Variants in HAS2 observed in about 807,000 individuals in gnomAD.
The protein encoded by HAS2 is HA synthase 2.
HAS2 carries 16 observed loss-of-function variants against 51.6 expected under a neutral mutation model. That is an observed-to-expected ratio of 0.31 (90% CI 0.21 to 0.47). HAS2 has a LOEUF of 0.47. HAS2 is among the 20% of genes least tolerant of loss of function. HAS2 has a pLI of 1.00. For synonymous variants in HAS2, 228 were observed against 235.5 expected (o/e 0.97, Z 0.29); for missense variants, 361 against 662.6 (o/e 0.54, Z 5.00).
intron 1 of HAS2, among the ~76,000 whole-genome samples, chr8:121,638,262 A>G (rs899223924): frequency 3.3e-5 from 5 of 152,252 alleles, no homozygotes; most frequent in Non-Finnish European, 7.3e-5. Flanking sequence ...CTTACTTTCT[A>G]GTAACAGTTT....
chr8:121,625,675 A>ATTT (rs934743239), intron 2 of HAS2, among the ~76,000 whole-genome samples: 32 of 108,102 alleles, frequency 3.0e-4, no homozygotes, highest in Non-Finnish European at 3.7e-4. Flanking sequence ...AGTCCAGCTA[A>ATTT]TTTTTTTTTT....
In HAS2 at chr8:121,612,597, A is replaced by T. The variant is rs918195772; in HGVS notation, c.*1512T>A. On this transcript the variant is annotated 3_prime_UTR_variant, in exon 4 of 4. Coordinates refer to ENST00000303924, the MANE Select transcript of HAS2 (RefSeq NM_005328.3). ...ACAGGTCTACACAGCACCAGCTACAAGGCAAGGTCAATCGTGTAAAAAATA... is the reference window on the plus strand; with the variant it reads ...ACAGGTCTACACAGCACCAGCTACATGGCAAGGTCAATCGTGTAAAAAATA... The T allele has an allele frequency of 3.9e-5, 6 of 152,184 alleles. No individual in the cohort carries two copies. Among genetic ancestry groups the T allele is most frequent in the African/African-American group, 7.2e-5 (3 of 41,454 alleles). 9.4% of individuals were successfully genotyped at this position (152,184 alleles called of 1,614,324 possible).
chr8:121,617,735 A>T (rs1185734571), intron 2 of HAS2, among the ~76,000 whole-genome samples: 1 of 152,174 alleles, frequency 6.6e-6, no homozygotes, highest in African/African-American at 2.4e-5. Context: ...TGGCAAATAA[A>T]TGACAGGAGA....
chr8:121,639,095 A>G (rs1273520342), intron 1 of HAS2, among the ~76,000 whole-genome samples: 1 of 152,250 alleles, frequency 6.6e-6, no homozygotes, highest in Admixed American at 6.5e-5. Flanking sequence ...CTTGGAATGT[A>G]CAATGAGCAG....
Position 121,614,370 on chromosome 8 carries a change from T to C in HAS2, c.1398A>G (p.Ser466=). 6.2e-7 allele frequency: 1 copy of C among 1,614,142 alleles called. No individual in the cohort carries two copies. Among genetic ancestry groups the C allele is most frequent in the South Asian group, 1.1e-5 (1 of 91,080 alleles). Residue 466 remains serine, a synonymous_variant, in exon 4 of 4, where the codon TCA becomes TCG. Transcript: ENST00000303924. This position sits in a 1 kb window ranked among gnomAD's most constrained non-coding sequence, Gnocchi z 7.2. ...ATINKAGWGT[S]GRKTIVVNFI... The stretch of plus-strand genomic sequence containing the variant: ...AATTAACAACAATGGTTTTCCTTCC[T>C]GATGTGCCCCACCCAGCTTTGTTTA...
chr8:121,635,778 C>A (rs1016180197), intron 1 of HAS2, among the ~76,000 whole-genome samples: 3 of 152,210 alleles, frequency 2.0e-5, no homozygotes, highest in Non-Finnish European at 4.4e-5. Flanking sequence ...GAATGTTTAT[C>A]TAATGAAGGC....
At chr8:121,636,175 C>T (rs1288660753) in intron 1 of HAS2, among the ~76,000 whole-genome samples, 1 of 152,176 alleles carries the variant, frequency 6.6e-6, no homozygotes, top group East Asian at 1.9e-4. Context: ...AGCTATATAA[C>T]AAAGTTTGGC....
At chr8:121,617,082 A>T (rs751156936) in intron 3 of HAS2, 23 bp downstream of exon 3, 2 of 1,328,018 alleles carry the variant, frequency 1.5e-6, no homozygotes, top group Non-Finnish European at 2.2e-6. Context: ...CAAAACAAAC[A>T]AACAAAAAGT....
chr8:121,626,229 C>T (rs1812850256), intron 2 of HAS2, among the ~76,000 whole-genome samples: 1 of 152,130 alleles, frequency 6.6e-6, no homozygotes, highest in South Asian at 2.1e-4. Context: ...TTGACTTTCT[C>T]TTTAGTAGGA....
chr8:121,616,361 T>G (rs571542598), intron 3 of HAS2, among the ~76,000 whole-genome samples: 3 of 152,168 alleles, frequency 2.0e-5, no homozygotes, highest in African/African-American at 7.2e-5. Context: ...CAACCACATA[T>G]TGATCATCCT....
At chr8:121,639,525 G>C (rs1432161654) in intron 1 of HAS2, 1 of 152,554 alleles carries the variant, frequency 6.6e-6, no homozygotes, top group African/African-American at 2.4e-5. Flanking sequence ...GGGACGGAGG[G>C]AGAGGCGCTA....
At chr8:121,618,635 T>A (rs1047884860) in intron 2 of HAS2, among the ~76,000 whole-genome samples, 1 of 152,178 alleles carries the variant, frequency 6.6e-6, no homozygotes, top group Non-Finnish European at 1.5e-5. Flanking sequence ...TAATTGGACA[T>A]ATTATTTTCT....
rs1554597329 is a variant in HAS2 at position 121,641,158 on chromosome 8, C to CTTTCTTTT, written c.-307_-306insAAAAGAAA. ...TAACTTTTCTTTTTTCTTTTCTTTT[C>CTTTCTTTT]TTTTTTTTTTTTTTTTTTTTTTGGG... On this transcript the variant is annotated 5_prime_UTR_variant, in exon 1 of 4. Coordinates refer to ENST00000303924, the MANE Select transcript of HAS2 (RefSeq NM_005328.3). 1.6e-4 allele frequency: 9 copies of CTTTCTTTT among 57,004 alleles called. No individual in the cohort carries two copies. Among genetic ancestry groups the CTTTCTTTT allele is most frequent in the Non-Finnish European group, 2.3e-4 (7 of 30,846 alleles). 3.5% of individuals were successfully genotyped at this position (57,004 alleles called of 1,614,324 possible). A position where few individuals can be genotyped will look rare whatever the true frequency, so the allele number is the denominator to read the frequency against.
chr8:121,616,548 G>A (rs1455130218), intron 3 of HAS2, among the ~76,000 whole-genome samples: 1 of 150,372 alleles, frequency 6.7e-6, no homozygotes, highest in Non-Finnish European at 1.5e-5. Flanking sequence ...GAATTCTCTT[G>A]TCTCAGCCTC....
In HAS2 at chr8:121,629,101, C is replaced by T. The variant is rs762902721; in HGVS notation, c.240G>A (p.Lys80=). 2.2e-5 allele frequency: 36 copies of T among 1,613,992 alleles called. 1 individual carries two copies. Among genetic ancestry groups the T allele is most frequent in the Admixed American group, 6.7e-5 (4 of 59,996 alleles). Residue 80 remains lysine (K), a synonymous_variant, in exon 2 of 4, where the codon AAG becomes AAA. Coordinates refer to ENST00000303924, the MANE Select transcript of HAS2 (RefSeq NM_005328.3). ...TGCAAAGGGCAACTGTTTTGTTCAA[C>T]TTTATGGGGGTTTCTAGGGATTTTT... The part of the protein sequence containing the change: ...KMKKSLETPI[K]LNKTVALCIA...
chr8:121,638,457 G>A (rs1245642416), intron 1 of HAS2, among the ~76,000 whole-genome samples: 1 of 152,084 alleles, frequency 6.6e-6, no homozygotes, highest in Non-Finnish European at 1.5e-5. Context: ...AGCAACTCAG[G>A]TAATATGCAT....
chr8:121,636,261 C>T (rs902055561), intron 1 of HAS2, among the ~76,000 whole-genome samples: 1 of 152,194 alleles, frequency 6.6e-6, no homozygotes, highest in South Asian at 2.1e-4. Flanking sequence ...TGTATTCCCT[C>T]TGCTACTGTC....
At chr8:121,618,741 T>C (rs1201870310) in intron 2 of HAS2, among the ~76,000 whole-genome samples, 1 of 152,190 alleles carries the variant, frequency 6.6e-6, no homozygotes, top group Non-Finnish European at 1.5e-5. Flanking sequence ...AATGGCATGA[T>C]TGGCAGAGAC....
At chr8:121,637,630 A>AC (rs1330086546) in intron 1 of HAS2, among the ~76,000 whole-genome samples, 1 of 152,198 alleles carries the variant, frequency 6.6e-6, no homozygotes, top group Admixed American at 6.5e-5. Context: ...ACCTCAGGTG[A>AC]TCTGCCCTCC....
Sources: allele counts gnomAD v4.1 joint callset (sites outside exome capture counted in the v4.1 genomes callset), GRCh38; gene constraint gnomAD v4.1.1; non-coding constraint Gnocchi (gnomAD v3.1); transcripts MANE v1.5; gene names NCBI Gene and HGNC (gene_info 2026-07-23, HGNC 2026-07-21).